RPRD2: variants seen among roughly 807,000 people sequenced by gnomAD.
The protein encoded by RPRD2 is regulation of nuclear pre-mRNA domain containing 2, also known as regulation of nuclear pre-mRNA domain-containing protein 2.
Under a neutral mutation model 104.4 loss-of-function variants are expected in RPRD2, and 12 were observed. That is an observed-to-expected ratio of 0.11 (90% CI 0.07 to 0.19). The LOEUF (loss-of-function observed/expected upper bound fraction) is 0.19. RPRD2 is among the 10% of genes least tolerant of loss of function. RPRD2 has a pLI of 1.00. For missense variants in RPRD2, 1,543 were observed against 1,790.1 expected (o/e 0.86, Z 2.49); for synonymous variants, 714 against 684.9 (o/e 1.04, Z -0.66).
chr1:150,375,003 A>G (rs1405386345), intron 1 of RPRD2, among the ~76,000 whole-genome samples: 5 of 143,894 alleles, frequency 3.5e-5, no homozygotes, highest in African/African-American at 1.3e-4. Flanking sequence ...TTAGATGCCT[A>G]AGTCACCTTT....
intron 1 of RPRD2, among the ~76,000 whole-genome samples, chr1:150,388,352 A>G (rs908804694): frequency 1.7e-5 from 2 of 115,576 alleles, no homozygotes; most frequent in African/African-American, 7.6e-5. Context: ...ATACACACAC[A>G]TATACATATA....
chr1:150,445,795 A>G (rs1017870530), intron 6 of RPRD2, among the ~76,000 whole-genome samples: 5 of 152,166 alleles, frequency 3.3e-5, no homozygotes, highest in Non-Finnish European at 5.9e-5. Context: ...GAGGCCGGGC[A>G]CGGTGGCTCA....
At chr1:150,388,580 C>T (rs1461842199) in intron 1 of RPRD2, among the ~76,000 whole-genome samples, 1 of 150,340 alleles carries the variant, frequency 6.7e-6, no homozygotes, top group Admixed American at 6.7e-5. Flanking sequence ...TAGTATGTTA[C>T]GTTTATTAAA....
chr1:150,425,689 C>A (rs912219824), intron 2 of RPRD2, among the ~76,000 whole-genome samples: 1 of 151,866 alleles, frequency 6.6e-6, no homozygotes, highest in African/African-American at 2.4e-5. Context: ...TTATTATCTT[C>A]TTTGATTCTC....
intron 1 of RPRD2, among the ~76,000 whole-genome samples, chr1:150,416,889 A>C (rs1192709197): frequency 2.0e-5 from 3 of 151,108 alleles, no homozygotes; most frequent in Non-Finnish European, 2.9e-5. Context: ...AAAAAAAAAA[A>C]AACAAAAAGA....
rs1479420623 is a variant in RPRD2 at position 150,410,281 on chromosome 1, A to G, written c.206-7315A>G. ...TAAAGAGGGGACCATTATGGGAGGG[A>G]TTTAAGAAGTAGAATAATATGATCA... On this transcript the variant is annotated intron_variant, in intron 1 of 10. Transcript: ENST00000369068. 3.3e-5 allele frequency among the ~76,000 whole-genome samples: 5 copies of G among 152,114 alleles called. No homozygotes were observed. In the East Asian group the frequency reaches 9.6e-4, roughly 29 times the overall value.
At position 150,364,714 on chromosome 1, in the gene RPRD2, G is replaced by C; in HGVS notation, c.-1G>C. 1 of 1,560,298 alleles carries C rather than the reference G, an allele frequency of 6.4e-7. No homozygotes were observed. Among genetic ancestry groups the C allele is most frequent in the Non-Finnish European group, 8.7e-7 (1 of 1,151,164 alleles). On this transcript the variant is annotated 5_prime_UTR_variant, in exon 1 of 11. Coordinates refer to ENST00000369068, the MANE Select transcript of RPRD2 (RefSeq NM_015203.5). ...CAGCAGCGCTTGTGCAAACCGGGAA[G>C]ATGGCGGCCGGCGGCGGCGGAGGCA...
rs764343298 is a variant in RPRD2 at position 150,426,370 on chromosome 1, TCTTA to T, written c.335+8649_335+8652del. Among the ~76,000 whole-genome samples the T allele has an allele frequency of 1.8e-3, 274 of 152,328 alleles. 2 individuals are homozygous for T. The highest frequency in any genetic ancestry group is 3.6e-3 in the Admixed American group (55 of 15,286). On this transcript the variant is annotated intron_variant, in intron 2 of 10. Transcript: ENST00000369068. ...GTTGCCTGGGTTTAAATCCTGGATC[TCTTA>T]CTTGGTAGAGTAGTTTATTTAACTT... is the stretch of plus-strand genomic sequence containing the variant.
At chr1:150,433,696 G>T (rs141292640) in intron 2 of RPRD2, among the ~76,000 whole-genome samples, 1 of 124,646 alleles carries the variant, frequency 8.0e-6, no homozygotes, top group East Asian at 2.0e-4. Context: ...CGCCCGCCTC[G>T]GCCTCCCAAA....
chr1:150,364,765 C>G lies in RPRD2; in HGVS notation c.51C>G (p.Ala17=). ...GCAGTAAGGCCTCCTCCTCGTCGGC[C>G]TCTTCGGCAGGGGCTCTGGAGTCCT... The part of the protein sequence containing the change: ...GGSSKASSSS[A]SSAGALESSL... Residue 17 remains alanine (A), a synonymous_variant, in exon 1 of 11, where the codon GCC becomes GCG. Coordinates refer to ENST00000369068, the MANE Select transcript of RPRD2 (RefSeq NM_015203.5). 4 of 1,607,778 alleles carry G rather than the reference C, an allele frequency of 2.5e-6. No individual in the cohort carries two copies. The highest frequency in any genetic ancestry group is 3.4e-6 in the Non-Finnish European group (4 of 1,176,982).
intron 2 of RPRD2, among the ~76,000 whole-genome samples, chr1:150,440,460 A>G (rs587599432): frequency 6.6e-6 from 1 of 152,376 alleles, no homozygotes; most frequent in East Asian, 1.9e-4. Flanking sequence ...CCTCATTGTT[A>G]CTATGTATTC....
intron 7 of RPRD2, among the ~76,000 whole-genome samples, chr1:150,447,925 T>G (rs1666899087): frequency 6.6e-6 from 1 of 152,192 alleles, no homozygotes; most frequent in Admixed American, 6.5e-5. Flanking sequence ...GCTGTTAACT[T>G]CCTGATATGA....
Position 150,471,637 on chromosome 1 carries a change from C to T in RPRD2, c.2689C>T (p.Leu897=). Residue 897 remains leucine, a synonymous_variant, in exon 11 of 11, where the codon CTG becomes TTG. Transcript: ENST00000369068. This position sits in a 1 kb window ranked among gnomAD's most constrained non-coding sequence, Gnocchi z 5.3. ...CTTCCCTCCATCTGTAAGGGCCCTCCTGGACTCTAGTGAGAACTGTGACCG... is the reference window on the plus strand; with the variant it reads ...CTTCCCTCCATCTGTAAGGGCCCTCTTGGACTCTAGTGAGAACTGTGACCG... The part of the protein sequence containing the change: ...SAFPPSVRAL[L]DSSENCDRLS... The T allele has an allele frequency of 6.2e-7, 1 of 1,613,888 alleles. No homozygotes were observed. Among genetic ancestry groups the T allele is most frequent in the Non-Finnish European group, 8.5e-7 (1 of 1,179,860 alleles).
At chr1:150,459,719 A>G (rs1447928555) in intron 8 of RPRD2, among the ~76,000 whole-genome samples, 4 of 151,222 alleles carry the variant, frequency 2.6e-5, no homozygotes, top group Non-Finnish European at 5.9e-5. Flanking sequence ...CAGCCTCTGT[A>G]GTAGCTGGGA....
At chr1:150,403,275 A>T (rs1264941325) in intron 1 of RPRD2, among the ~76,000 whole-genome samples, 1 of 152,194 alleles carries the variant, frequency 6.6e-6, no homozygotes. Flanking sequence ...AGTACACATA[A>T]CATAAAATTG....
rs562476167 is a variant in RPRD2 at position 150,387,567 on chromosome 1, C to CTTTTTTTTTTTTTTTTTTT, written c.205+22671_205+22689dup. 1.8e-4 allele frequency among the ~76,000 whole-genome samples: 13 copies of CTTTTTTTTTTTTTTTTTTT among 73,792 alleles called. 1 individual carries two copies. Among genetic ancestry groups the CTTTTTTTTTTTTTTTTTTT allele is most frequent in the Non-Finnish European group, 3.0e-4 (12 of 40,548 alleles). 48.4% of individuals were successfully genotyped at this position (73,792 alleles called of 152,430 possible). A position where few individuals can be genotyped will look rare whatever the true frequency, so the allele number is the denominator to read the frequency against. ...AAATCTTACAGAAGTTGCAACAGAC[C>CTTTTTTTTTTTTTTTTTTT]TTTTTTTTTTTTTTTTTTTTTTTTT... On this transcript the variant is annotated intron_variant, in intron 1 of 10. Coordinates refer to ENST00000369068, the MANE Select transcript of RPRD2 (RefSeq NM_015203.5).
Position 150,473,442 on chromosome 1 carries a change from A to T in RPRD2, c.*108A>T, listed in dbSNP as rs1430102168. The T allele has an allele frequency of 3.3e-5, 37 of 1,112,068 alleles. No homozygotes were observed. The highest frequency in any genetic ancestry group is 4.4e-5 in the Non-Finnish European group (35 of 799,626). 68.9% of individuals were successfully genotyped at this position (1,112,068 alleles called of 1,614,324 possible). ...TTTTCTCTTTCTCGATTTTTTTTTT[A>T]TTATAACAAAGGGCCTCTCTTCCAA... On this transcript the variant is annotated 3_prime_UTR_variant, in exon 11 of 11. Transcript: ENST00000369068.
chr1:150,411,051 G>A (rs1663855000), intron 1 of RPRD2, among the ~76,000 whole-genome samples: 1 of 152,156 alleles, frequency 6.6e-6, no homozygotes, highest in African/African-American at 2.4e-5. Flanking sequence ...TGGAGAGATA[G>A]CGTCTTATTG....
intron 10 of RPRD2, among the ~76,000 whole-genome samples, chr1:150,468,394 GA>G (rs1357086253): frequency 2.6e-5 from 4 of 151,768 alleles, no homozygotes; most frequent in Admixed American, 2.6e-4. Flanking sequence ...ATTTAGTGGT[GA>G]GAGACAATTT....
Sources: gnomAD v4.1 joint callset for allele counts (sites outside exome capture counted in the v4.1 genomes callset) on GRCh38, gnomAD v4.1.1 for gene constraint, Gnocchi (gnomAD v3.1) non-coding constraint, MANE v1.5 for transcripts, NCBI Gene and HGNC (gene_info 2026-07-23, HGNC 2026-07-21) for gene names.